The following SLC35F3 variants were observed in gnomAD, a reference collection of about 807,000 sequenced individuals.
SLC35F3 encodes putative thiamine transporter SLC35F3.
A neutral mutation model predicts 49.9 loss-of-function variants in SLC35F3; 25 were observed. The ratio of observed to expected loss-of-function variants is 0.50; its 90% CI spans 0.37 to 0.70. The LOEUF (loss-of-function observed/expected upper bound fraction) is 0.70. Among genes scored for constraint, SLC35F3 ranks in the 30% least tolerant of loss-of-function variants. The pLI is 0.00. For synonymous variants in SLC35F3, 275 were observed against 265.4 expected (o/e 1.04, Z -0.35); for missense variants, 525 against 639.8 (o/e 0.82, Z 1.94).
At chr1:234,284,168 G>T (rs1668373957) in intron 3 of SLC35F3, among the ~76,000 whole-genome samples, 1 of 152,192 alleles carries the variant, frequency 6.6e-6, no homozygotes, top group South Asian at 2.1e-4. Flanking sequence ...GCCTCCCAAA[G>T]TGTTGGGATT....
intron 2 of SLC35F3, among the ~76,000 whole-genome samples, chr1:234,226,551 TA>T (rs10547189): frequency 0.5 from 71,616 of 142,820 alleles, 21,705 homozygotes; most frequent in Non-Finnish European, 0.69. Context: ...TACATTAAGT[TA>T]AAAAAAAAAA....
intron 2 of SLC35F3, among the ~76,000 whole-genome samples, chr1:234,124,724 C>T (rs968563413): frequency 5.9e-5 from 9 of 152,074 alleles, no homozygotes; most frequent in South Asian, 2.1e-4. Context: ...AAAAATTATC[C>T]GAGCATGGTA....
At chr1:234,300,028 TGC>T (rs1312226753) in intron 3 of SLC35F3, among the ~76,000 whole-genome samples, 2 of 135,266 alleles carry the variant, frequency 1.5e-5, no homozygotes, top group Non-Finnish European at 3.3e-5. Context: ...AATGCAAATT[TGC>T]AGTAAAAAAA....
chr1:234,258,792 G>A (rs1667858941), intron 3 of SLC35F3, among the ~76,000 whole-genome samples: 1 of 152,234 alleles, frequency 6.6e-6, no homozygotes, highest in South Asian at 2.1e-4. Context: ...TTCAGATCAT[G>A]TCTGGGTCAG....
intron 5 of SLC35F3, 116 bp downstream of exon 5, chr1:234,316,843 G>A: frequency 7.6e-7 from 1 of 1,310,960 alleles, no homozygotes; most frequent in Non-Finnish European, 1.0e-6. Context: ...TGTGCTTCAG[G>A]ACAGGCAGCT....
rs931491033 is a variant in SLC35F3 at position 234,296,316 on chromosome 1, C to CA, written c.609-12774dup. ...ATGGTCCTATGGGGTCTTTCTGCTTCAAAAAAAAAAACCTAGTGTGTAACC... is the reference window on the plus strand; with the variant it reads ...ATGGTCCTATGGGGTCTTTCTGCTTCAAAAAAAAAAAACCTAGTGTGTAACC... On this transcript the variant is annotated intron_variant, in intron 3 of 7. Transcript: ENST00000366618. Among the ~76,000 whole-genome samples the CA allele has an allele frequency of 6.9e-3, 995 of 143,608 alleles. 16 individuals are homozygous for CA. Among genetic ancestry groups the CA allele is most frequent in the Admixed American group, 0.024 (353 of 14,444 alleles). 94.2% of individuals were successfully genotyped at this position (143,608 alleles called of 152,430 possible).
intron 2 of SLC35F3, among the ~76,000 whole-genome samples, chr1:234,147,663 C>A (rs552679167): frequency 6.6e-6 from 1 of 152,270 alleles, no homozygotes; most frequent in African/African-American, 2.4e-5. Context: ...ATTTCAGGAT[C>A]AGGTTGAGGA....
chr1:233,923,613 T>A (rs1268409467), intron 2 of SLC35F3, among the ~76,000 whole-genome samples: 2 of 152,196 alleles, frequency 1.3e-5, no homozygotes, highest in Non-Finnish European at 2.9e-5. Context: ...TTTGACTTCC[T>A]CTTTTCCTAA....
chr1:234,256,489 A>C (rs1242979997), intron 3 of SLC35F3, among the ~76,000 whole-genome samples: 1 of 152,188 alleles, frequency 6.6e-6, no homozygotes, highest in African/African-American at 2.4e-5. Context: ...GCCAGAAACC[A>C]GCCCTTTCAA....
chr1:233,967,085 A>G (rs1284475345), intron 2 of SLC35F3, among the ~76,000 whole-genome samples: 1 of 152,216 alleles, frequency 6.6e-6, no homozygotes, highest in Non-Finnish European at 1.5e-5. Context: ...TTTCAGATCA[A>G]CAAAAAATAA....
intron 3 of SLC35F3, among the ~76,000 whole-genome samples, chr1:234,286,124 C>T (rs1558098477): frequency 1.3e-5 from 2 of 152,018 alleles, no homozygotes; most frequent in Non-Finnish European, 2.9e-5. Context: ...CTGATAATAA[C>T]GTTTTAAGAT....
intron 2 of SLC35F3, among the ~76,000 whole-genome samples, chr1:234,017,701 G>A (rs567611154): frequency 7.6e-4 from 96 of 125,728 alleles, no homozygotes; most frequent in Non-Finnish European, 1.0e-3. Context: ...GAGACAGAGC[G>A]AGACTTTGTC....
At chr1:234,308,332 A>T (rs72761920) in intron 3 of SLC35F3, among the ~76,000 whole-genome samples, 1 of 152,330 alleles carries the variant, frequency 6.6e-6, no homozygotes, top group Non-Finnish European at 1.5e-5. Context: ...ACTATGTTTC[A>T]ATGTGTTCTC....
chr1:234,227,601 T>C (rs1032539956), intron 2 of SLC35F3, among the ~76,000 whole-genome samples: 28 of 152,072 alleles, frequency 1.8e-4, no homozygotes, highest in Non-Finnish European at 2.9e-5. Context: ...GGTTTCACCA[T>C]GTTAGCCAGG....
intron 2 of SLC35F3, among the ~76,000 whole-genome samples, chr1:233,910,278 A>C (rs1661853487): frequency 1.3e-5 from 2 of 152,240 alleles, no homozygotes; most frequent in African/African-American, 4.8e-5. Context: ...GATGAGGAGA[A>C]TCAAAGACCA....
In SLC35F3 at chr1:234,231,513, G is replaced by T. The variant is rs1460126716; in HGVS notation, c.380G>T (p.Cys127Phe). The change falls in exon 3 of 8, where the codon TGC becomes TTC. Residue 127 changes from cysteine to phenylalanine, a missense_variant. Cys to Phe is a radical substitution (Grantham distance 205, BLOSUM62 -2). Coordinates refer to ENST00000366618, the MANE Select transcript of SLC35F3 (RefSeq NM_173508.4). This position sits in a 1 kb window ranked among gnomAD's most constrained non-coding sequence, Gnocchi z 5.4. The part of the protein sequence containing the change: ...GGRASRRCWT[C>F]SRAQLKKIFW... ...AGAGCGAGTCGCCGCTGCTGGACGTGCTCCCGGGCGCAACTCAAGAAGATC... is the reference window on the plus strand; with the variant it reads ...AGAGCGAGTCGCCGCTGCTGGACGTTCTCCCGGGCGCAACTCAAGAAGATC... 1.2e-6 allele frequency: 2 copies of T among 1,613,814 alleles called. No homozygotes were observed. Among genetic ancestry groups the T allele is most frequent in the Non-Finnish European group, 1.7e-6 (2 of 1,179,870 alleles).
intron 2 of SLC35F3, among the ~76,000 whole-genome samples, chr1:234,080,635 A>G (rs755575422): frequency 1.3e-5 from 2 of 152,216 alleles, no homozygotes; most frequent in African/African-American, 2.4e-5. Flanking sequence ...TGAAAACATT[A>G]TGATAAGTGA....
intron 2 of SLC35F3, among the ~76,000 whole-genome samples, chr1:233,945,662 G>A (rs990918314): frequency 1.3e-5 from 2 of 152,222 alleles, no homozygotes; most frequent in African/African-American, 4.8e-5. Context: ...GCCAGGTGGA[G>A]ATAATTGAAT....
chr1:234,023,290 C>G (rs143558788), intron 2 of SLC35F3, among the ~76,000 whole-genome samples: 10 of 152,278 alleles, frequency 6.6e-5, no homozygotes, highest in African/African-American at 2.4e-4. Context: ...ACAGATAAGC[C>G]TGGAGTATCT....
Sources: gnomAD v4.1 joint callset for allele counts (sites outside exome capture counted in the v4.1 genomes callset) on GRCh38, gnomAD v4.1.1 for gene constraint, Gnocchi (gnomAD v3.1) non-coding constraint, MANE v1.5 for transcripts, NCBI Gene and HGNC (gene_info 2026-07-23, HGNC 2026-07-21) for gene names.